CSMD1: variants seen among roughly 807,000 people sequenced by gnomAD.
The protein encoded by CSMD1 is CUB and sushi domain-containing protein 1.
Under a neutral mutation model 417.5 loss-of-function variants are expected in CSMD1, and 213 were observed. The observed-to-expected ratio is 0.51, with a 90% CI of 0.46 to 0.57. The LOEUF (loss-of-function observed/expected upper bound fraction) is 0.57. Ranked by LOEUF, CSMD1 falls within the 20% of genes least tolerant of loss-of-function variation. The pLI is 0.00. For synonymous variants in CSMD1, 2,862 were observed against 1,736.8 expected (o/e 1.65, Z -16.11); for missense variants, 6,923 against 4,529.7 (o/e 1.53, Z -15.17).
chr8:3,547,219 C>A (rs763715988), intron 10 of CSMD1, among the ~76,000 whole-genome samples: 3 of 152,148 alleles, frequency 2.0e-5, no homozygotes, highest in Non-Finnish European at 4.4e-5. Context: ...TGACTTCGGC[C>A]TTAAATAAGT....
At chr8:4,530,165 A>G (rs745547772) in intron 2 of CSMD1, among the ~76,000 whole-genome samples, 2 of 151,774 alleles carry the variant, frequency 1.3e-5, no homozygotes, top group Non-Finnish European at 2.9e-5. Context: ...TGCCCACCTC[A>G]GCCTCCCAAA....
chr8:4,329,223 C>T (rs111968291), intron 3 of CSMD1, among the ~76,000 whole-genome samples: 5 of 152,110 alleles, frequency 3.3e-5, no homozygotes, highest in African/African-American at 7.2e-5. Context: ...TTATTTGGAC[C>T]TTATCAGTGT....
intron 54 of CSMD1, among the ~76,000 whole-genome samples, chr8:2,984,683 A>C (rs1161132923): frequency 6.6e-6 from 1 of 152,218 alleles, no homozygotes; most frequent in Non-Finnish European, 1.5e-5. Context: ...ATGAACGGCC[A>C]GCGAAGATGA....
At chr8:4,818,484 G>A (rs1585152235) in intron 1 of CSMD1, among the ~76,000 whole-genome samples, 1 of 152,074 alleles carries the variant, frequency 6.6e-6, no homozygotes, top group Non-Finnish European at 1.5e-5. Flanking sequence ...CAACAATTTT[G>A]ATTTAGTTTA....
intron 50 of CSMD1, among the ~76,000 whole-genome samples, chr8:3,046,638 G>T (rs1448501736): frequency 1.3e-5 from 2 of 152,056 alleles, no homozygotes; most frequent in Non-Finnish European, 2.9e-5. Context: ...GCAGGCCTTG[G>T]CAGCGTTACA....
At chr8:4,600,234 T>TACC (rs397763633) in intron 2 of CSMD1, among the ~76,000 whole-genome samples, 1 of 149,544 alleles carries the variant, frequency 6.7e-6, no homozygotes, top group South Asian at 2.1e-4. Flanking sequence ...CACGTGATAC[T>TACC]CTACTCTCTC....
At chr8:4,352,909 G>A (rs143508286) in intron 3 of CSMD1, among the ~76,000 whole-genome samples, 1 of 152,192 alleles carries the variant, frequency 6.6e-6, no homozygotes, top group African/African-American at 2.4e-5. Flanking sequence ...ACACTAGAAA[G>A]ATTTAGGCAA....
In CSMD1 at chr8:3,631,605, G is replaced by C. The variant is rs142820522; in HGVS notation, c.1010-14808C>G. Among the ~76,000 whole-genome samples the C allele has an allele frequency of 7.7e-4, 117 of 152,354 alleles. 2 individuals carry two copies. Among genetic ancestry groups the C allele is most frequent in the African/African-American group, 2.7e-3 (112 of 41,578 alleles). ...GCCAAATCGGTAGAAGACAGGGAAG[G>C]ATCCATCGGTTTTGCAACACTGAAG... On this transcript the variant is annotated intron_variant, in intron 7 of 69. Transcript: ENST00000635120.
At chr8:4,577,773 G>A (rs973300154) in intron 2 of CSMD1, among the ~76,000 whole-genome samples, 12 of 152,184 alleles carry the variant, frequency 7.9e-5, no homozygotes, top group African/African-American at 2.2e-4. Flanking sequence ...GTCCTTAACT[G>A]AAAGCTCATT....
At chr8:3,886,195 G>A (rs1806551640) in intron 5 of CSMD1, among the ~76,000 whole-genome samples, 1 of 152,048 alleles carries the variant, frequency 6.6e-6, no homozygotes, top group South Asian at 2.1e-4. Flanking sequence ...GATTACAGGT[G>A]TCCACCACCA....
At chr8:3,455,877 G>C (rs1033997981) in intron 12 of CSMD1, among the ~76,000 whole-genome samples, 1 of 152,220 alleles carries the variant, frequency 6.6e-6, no homozygotes, top group Non-Finnish European at 1.5e-5. Flanking sequence ...GGTTTCTGCT[G>C]TCTTTTGTTT....
At chr8:3,261,980 G>C (rs1314890760) in intron 26 of CSMD1, among the ~76,000 whole-genome samples, 1 of 151,766 alleles carries the variant, frequency 6.6e-6, no homozygotes, top group Non-Finnish European at 1.5e-5. Context: ...TAGTTCTACA[G>C]GATGTTACTC....
In CSMD1 at chr8:3,586,174, G is replaced by T. The variant is rs371509704; in HGVS notation, c.1184C>A (p.Thr395Lys). ...CCTGTGGTCACTCCAAGCAGCGAGC[G>T]TCTCTGTAACTCTCTGACAGGTGAT... ...KSITCQRVTE[T>K]LAAWSDHRPI... The change falls in exon 9 of 70, where the codon ACG (threonine) becomes AAG (lysine). Residue 395 changes from threonine to lysine, a missense_variant. Coordinates refer to ENST00000635120, the MANE Select transcript of CSMD1 (RefSeq NM_033225.6). 4 of 1,612,504 alleles carry T rather than the reference G, an allele frequency of 2.5e-6. No homozygotes were observed. In the African/African-American group the frequency reaches 4.0e-5, roughly 16 times the overall value.
At chr8:4,064,556 C>T (rs1472878574) in intron 3 of CSMD1, among the ~76,000 whole-genome samples, 1 of 152,200 alleles carries the variant, frequency 6.6e-6, no homozygotes, top group South Asian at 2.1e-4. Context: ...TCGATGTCAA[C>T]ACACAGCTCC....
intron 7 of CSMD1, among the ~76,000 whole-genome samples, chr8:3,644,077 G>A (rs184797340): frequency 6.6e-6 from 1 of 152,176 alleles, no homozygotes; most frequent in Admixed American, 6.5e-5. Context: ...TTAAGAAAGT[G>A]CTCCAGGGCA....
At chr8:3,722,549 C>T (rs978092587) in intron 6 of CSMD1, among the ~76,000 whole-genome samples, 1 of 152,146 alleles carries the variant, frequency 6.6e-6, no homozygotes, top group Non-Finnish European at 1.5e-5. Flanking sequence ...CCCTTCTTAC[C>T]TCTTGTCAAT....
intron 12 of CSMD1, among the ~76,000 whole-genome samples, chr8:3,466,841 T>A (rs950858937): frequency 1.3e-5 from 2 of 152,218 alleles, no homozygotes; most frequent in African/African-American, 4.8e-5. Context: ...TCTTCAACTG[T>A]TAGCTTAATA....
In CSMD1 at chr8:2,937,624, T is replaced by C. The variant is rs940761337; in HGVS notation, c.*961A>G. On this transcript the variant is annotated 3_prime_UTR_variant, in exon 70 of 70. Transcript: ENST00000635120. ...GACAGTAATTGGATGAGGATGGTACTAAAGGAGGAAAACGTGTGAAATAAG... is the reference window on the plus strand; with the variant it reads ...GACAGTAATTGGATGAGGATGGTACCAAAGGAGGAAAACGTGTGAAATAAG... 2 of 152,212 alleles carry C rather than the reference T, an allele frequency of 1.3e-5. No individual in the cohort carries two copies. The highest frequency in any genetic ancestry group is 2.9e-5 in the Non-Finnish European group (2 of 68,034). The allele number at this position is 152,212 out of a possible 1,614,324, so 9.4% of individuals were successfully genotyped here.
At chr8:3,318,314 C>G (rs1043784468) in intron 23 of CSMD1, among the ~76,000 whole-genome samples, 1 of 152,106 alleles carries the variant, frequency 6.6e-6, no homozygotes, top group East Asian at 1.9e-4. Context: ...CTGTAGTTCT[C>G]TAATTGAGAA....
Sources: gnomAD v4.1 joint callset for allele counts (sites outside exome capture counted in the v4.1 genomes callset) on GRCh38, gnomAD v4.1.1 for gene constraint, MANE v1.5 for transcripts, NCBI Gene and HGNC (gene_info 2026-07-23, HGNC 2026-07-21) for gene names.